The following DCAF5 variants were observed in gnomAD, a reference collection of about 807,000 sequenced individuals.
DCAF5 encodes the protein DDB1 and CUL4 associated factor 5.
A neutral mutation model predicts 80.7 loss-of-function variants in DCAF5; 9 were observed. The observed-to-expected ratio is 0.11, with a 90% confidence interval of 0.07 to 0.19. The LOEUF is 0.19. DCAF5 is among the 10% of genes least tolerant of loss of function. DCAF5 has a pLI of 1.00. For synonymous variants in DCAF5, 433 were observed against 461.9 expected (o/e 0.94, Z 0.80); for missense variants, 842 against 1,205.7 (o/e 0.70, Z 4.47).
chr14:69,140,673 T>C (rs1379911881), intron 1 of DCAF5, among the ~76,000 whole-genome samples: 1 of 152,086 alleles, frequency 6.6e-6, no homozygotes, highest in African/African-American at 2.4e-5. Flanking sequence ...TAATAAGAAC[T>C]ATAAGATGAT....
At chr14:69,084,848 AT>A in intron 6 of DCAF5, 1 of 1,115,674 alleles carries the variant, frequency 9.0e-7, no homozygotes, top group East Asian at 2.4e-5. Context: ...AGAACTGGAC[AT>A]TACTGAAGTC....
intron 8 of DCAF5, among the ~76,000 whole-genome samples, chr14:69,058,586 G>T (rs1250293503): frequency 6.7e-6 from 1 of 149,614 alleles, no homozygotes; most frequent in Non-Finnish European, 1.5e-5. Flanking sequence ...CAAAGTTCAT[G>T]AGAAAGAGCC....
chr14:69,118,146 G>A lies in DCAF5; in HGVS notation c.528C>T (p.Pro176=). 2 of 1,613,828 alleles carry A rather than the reference G, an allele frequency of 1.2e-6. No individual in the cohort carries two copies. Among genetic ancestry groups the A allele is most frequent in the East Asian group, 2.2e-5 (1 of 44,878 alleles). The change falls in exon 4 of 9, where the codon CCC becomes CCT. Residue 176 remains proline, a synonymous_variant. Transcript: ENST00000341516. This position sits in a 1 kb window ranked among gnomAD's most constrained non-coding sequence, Gnocchi z 4.0. ...RVLIWDIRES[P]HGEPFCLANY... is the part of the protein sequence containing the mutation. ...TTTGCACAGTGAGCCTACCTCCATGGGGGGATTCCCGAATGTCCCAAATGA... is the reference window on the plus strand; with the variant it reads ...TTTGCACAGTGAGCCTACCTCCATGAGGGGATTCCCGAATGTCCCAAATGA...
intron 6 of DCAF5, among the ~76,000 whole-genome samples, chr14:69,081,685 T>C (rs2139928621): frequency 6.6e-6 from 1 of 152,264 alleles, no homozygotes; most frequent in African/African-American, 2.4e-5. Flanking sequence ...AAAAGATTAC[T>C]GACTGGTATT....
chr14:69,073,504 G>A (rs1196072984), intron 7 of DCAF5, among the ~76,000 whole-genome samples: 2 of 151,946 alleles, frequency 1.3e-5, no homozygotes, highest in Non-Finnish European at 2.9e-5. Flanking sequence ...AAAGCAGCAG[G>A]GGGCTGGGCA....
At chr14:69,102,465 T>C (rs2039988060) in intron 5 of DCAF5, among the ~76,000 whole-genome samples, 1 of 152,044 alleles carries the variant, frequency 6.6e-6, no homozygotes, top group Non-Finnish European at 1.5e-5. Context: ...ACTTTTTGAC[T>C]CTTGTTATAA....
At chr14:69,095,433 C>G (rs1449355425) in intron 5 of DCAF5, among the ~76,000 whole-genome samples, 4 of 152,104 alleles carry the variant, frequency 2.6e-5, no homozygotes, top group Admixed American at 2.6e-4. Flanking sequence ...GGAGGTGATC[C>G]AAGGTGATCC....
At chr14:69,057,496 T>C (rs2038022396) in intron 8 of DCAF5, among the ~76,000 whole-genome samples, 1 of 152,154 alleles carries the variant, frequency 6.6e-6, no homozygotes, top group African/African-American at 2.4e-5. Context: ...TTAACTAAAG[T>C]ACAAAATAAC....
chr14:69,070,278 A>G (rs1489245647), intron 7 of DCAF5, among the ~76,000 whole-genome samples: 1 of 152,170 alleles, frequency 6.6e-6, no homozygotes, highest in Admixed American at 6.5e-5. Context: ...ACACCTACCA[A>G]CCTTTCCCAC....
In DCAF5 at chr14:69,141,139, TAAAAAAAAAAAAA is replaced by T. The variant is rs11396838; in HGVS notation, c.214+11613_214+11625del. The stretch of plus-strand genomic sequence containing the variant: ...ACAGAGCGAGACTCCATCTCAAATT[TAAAAAAAAAAAAA>T]AAAAAAAAAAAAAAAAGTGGCAGCT... On this transcript the variant is annotated intron_variant, in intron 1 of 8. Transcript: ENST00000341516. Among the ~76,000 whole-genome samples the T allele has an allele frequency of 4.8e-3, 284 of 59,438 alleles. 3 individuals are homozygous for T. The highest frequency in any genetic ancestry group is 0.014 in the African/African-American group (255 of 18,522). 39.0% of individuals were successfully genotyped at this position (59,438 alleles called of 152,430 possible).
intron 1 of DCAF5, among the ~76,000 whole-genome samples, chr14:69,137,606 C>T (rs890262621): frequency 1.3e-5 from 2 of 152,186 alleles, no homozygotes; most frequent in Admixed American, 6.5e-5. Context: ...ATGCACACTA[C>T]ACCCAGCCAC....
Position 69,053,291 on chromosome 14 carries a change from A to G in DCAF5, c.*566T>C, listed in dbSNP as rs1388154453. On this transcript the variant is annotated 3_prime_UTR_variant, in exon 9 of 9. Coordinates refer to ENST00000341516, the MANE Select transcript of DCAF5 (RefSeq NM_003861.3). ...GGAAGATTTCTTTAAGAAAGGAACCATGCTTTCCTCTCCAGCGCAGCCAAT... is the reference window on the plus strand; with the variant it reads ...GGAAGATTTCTTTAAGAAAGGAACCGTGCTTTCCTCTCCAGCGCAGCCAAT... The G allele has an allele frequency of 1.3e-5, 2 of 152,362 alleles. No homozygotes were observed. Among genetic ancestry groups the G allele is most frequent in the African/African-American group, 2.4e-5 (1 of 41,464 alleles). The allele number at this position is 152,362 out of a possible 1,614,324, so 9.4% of individuals were successfully genotyped here.
intron 5 of DCAF5, among the ~76,000 whole-genome samples, chr14:69,095,138 AT>A (rs2039658642): frequency 6.6e-6 from 1 of 152,156 alleles, no homozygotes; most frequent in Non-Finnish European, 1.5e-5. Flanking sequence ...GAAATTTCTC[AT>A]TTCCTCTTGA....
intron 6 of DCAF5, among the ~76,000 whole-genome samples, chr14:69,088,995 TAAAAA>T (rs1418152688): frequency 6.6e-6 from 1 of 151,986 alleles, no homozygotes; most frequent in Admixed American, 6.6e-5. Context: ...TGTGCACACT[TAAAAA>T]AAACTATAAG....
intron 1 of DCAF5, among the ~76,000 whole-genome samples, chr14:69,140,481 A>C (rs1185248296): frequency 6.6e-6 from 1 of 152,210 alleles, no homozygotes; most frequent in Non-Finnish European, 1.5e-5. Flanking sequence ...CATATTTTAC[A>C]GATGACTGTA....
chr14:69,077,468 C>T (rs1336343943), intron 6 of DCAF5, among the ~76,000 whole-genome samples: 2 of 152,022 alleles, frequency 1.3e-5, no homozygotes, highest in Non-Finnish European at 2.9e-5. Context: ...ACTGCAGCCT[C>T]GACCTCCTGG....
At chr14:69,108,363 A>G (rs747481386) in intron 5 of DCAF5, among the ~76,000 whole-genome samples, 7 of 152,180 alleles carry the variant, frequency 4.6e-5, no homozygotes, top group Non-Finnish European at 7.3e-5. Context: ...AAATCAAGAA[A>G]ACAGGAGAAA....
chr14:69,067,409 T>C (rs1482585641), intron 7 of DCAF5, among the ~76,000 whole-genome samples: 1 of 150,460 alleles, frequency 6.6e-6, no homozygotes, highest in Admixed American at 6.6e-5. Flanking sequence ...AGTGGCATGA[T>C]TTTAGCTCAC....
At chr14:69,123,996 C>T (rs796345683) in intron 1 of DCAF5, among the ~76,000 whole-genome samples, 70 of 152,270 alleles carry the variant, frequency 4.6e-4, no homozygotes, top group African/African-American at 1.6e-3. Flanking sequence ...CTGTGCCCGG[C>T]CAAGTAGTCA....
Sources: gnomAD v4.1 joint callset for allele counts (sites outside exome capture counted in the v4.1 genomes callset) on GRCh38, gnomAD v4.1.1 for gene constraint, Gnocchi (gnomAD v3.1) non-coding constraint, MANE v1.5 for transcripts, NCBI Gene and HGNC (gene_info 2026-07-23, HGNC 2026-07-21) for gene names.